Variants in KLHL1 observed in about 807,000 individuals in gnomAD.
The protein encoded by KLHL1 is kelch-like protein 1.
Under a neutral mutation model 77.7 loss-of-function variants are expected in KLHL1, and 47 were observed. The ratio of observed to expected loss-of-function variants is 0.60; its 90% CI spans 0.48 to 0.77. The LOEUF (loss-of-function observed/expected upper bound fraction) is 0.77. Ranked by LOEUF, KLHL1 falls within the 30% of genes least tolerant of loss-of-function variation. The probability of loss-of-function intolerance (pLI) is 0.00; values close to 1 mark genes in which losing one functional copy is unlikely to be tolerated. For synonymous variants in KLHL1, 360 were observed against 325.2 expected (o/e 1.11, Z -1.15); for missense variants, 925 against 910.8 (o/e 1.02, Z -0.20).
intron 1 of KLHL1, among the ~76,000 whole-genome samples, chr13:70,090,916 C>T (rs1593736256): frequency 6.6e-6 from 1 of 152,002 alleles, no homozygotes. Flanking sequence ...ATATCATGAA[C>T]TTTGGTGTTA....
At chr13:70,052,550 T>C (rs1212848928) in intron 1 of KLHL1, among the ~76,000 whole-genome samples, 1 of 151,984 alleles carries the variant, frequency 6.6e-6, no homozygotes, top group Non-Finnish European at 1.5e-5. Flanking sequence ...ATTTTGATTT[T>C]AATAAAATGC....
At chr13:69,728,054 T>A (rs919660359) in intron 8 of KLHL1, among the ~76,000 whole-genome samples, 10 of 152,162 alleles carry the variant, frequency 6.6e-5, no homozygotes, top group African/African-American at 2.4e-4. Context: ...TTAAAAATCA[T>A]CTCTTTCAGT....
intron 3 of KLHL1, among the ~76,000 whole-genome samples, chr13:69,955,871 ATATATATT>A (rs948316365): frequency 2.2e-4 from 31 of 141,738 alleles, no homozygotes; most frequent in African/African-American, 8.0e-4. Flanking sequence ...ATACTAGCAT[ATATATATT>A]TATATATATA....
intron 5 of KLHL1, among the ~76,000 whole-genome samples, chr13:69,872,910 C>T (rs2138178722): frequency 6.6e-6 from 1 of 152,216 alleles, no homozygotes; most frequent in South Asian, 2.1e-4. Context: ...GGCCCCACCT[C>T]CAACACTGGG....
chr13:69,901,277 A>T (rs893803876), intron 4 of KLHL1, among the ~76,000 whole-genome samples: 1 of 152,262 alleles, frequency 6.6e-6, no homozygotes, highest in African/African-American at 2.4e-5. Context: ...TCCTACCATT[A>T]TCAAGAATAT....
Position 69,991,810 on chromosome 13 carries a change from C to T in KLHL1, c.498-16008G>A, listed in dbSNP as rs146399675. Reference sequence around the variant, plus strand: ...CTCCTCAACTCATTCTATGAAGCCACTCAAGTGAGAGCCAGAGATAAACAT... The same window carrying T: ...CTCCTCAACTCATTCTATGAAGCCATTCAAGTGAGAGCCAGAGATAAACAT... On this transcript the variant is annotated intron_variant, in intron 1 of 10. Transcript: ENST00000377844. 5.1e-3 allele frequency among the ~76,000 whole-genome samples: 772 copies of T among 152,016 alleles called. 5 individuals carry two copies. The highest frequency in any genetic ancestry group is 9.5e-3 in the South Asian group (46 of 4,830).
intron 6 of KLHL1, among the ~76,000 whole-genome samples, chr13:69,813,320 G>A (rs1219197981): frequency 6.6e-6 from 1 of 151,234 alleles, no homozygotes; most frequent in African/African-American, 2.4e-5. Flanking sequence ...ACCGGGGCCT[G>A]TTGTGGGGTG....
chr13:69,858,409 T>A (rs1880006669), intron 5 of KLHL1, among the ~76,000 whole-genome samples: 1 of 152,092 alleles, frequency 6.6e-6, no homozygotes, highest in South Asian at 2.1e-4. Context: ...GTATAAATCG[T>A]TCTGCCATTA....
At chr13:69,706,124 A>G (rs2137871169) in intron 10 of KLHL1, among the ~76,000 whole-genome samples, 1 of 151,790 alleles carries the variant, frequency 6.6e-6, no homozygotes, top group Non-Finnish European at 1.5e-5. Context: ...TTAGTGCAAT[A>G]ATGTGAAAAG....
In KLHL1 at chr13:69,927,739, A is replaced by G. The variant is rs572692619; in HGVS notation, c.1014+12301T>C. Among the ~76,000 whole-genome samples the G allele has an allele frequency of 4.6e-5, 7 of 152,320 alleles. No homozygotes were observed. The East Asian group carries it at 9.6e-4, about 21-fold the overall frequency. On this transcript the variant is annotated intron_variant, in intron 4 of 10. Transcript: ENST00000377844. The stretch of plus-strand genomic sequence containing the variant: ...CATACTAGGATGGCTATAATCAATA[A>G]AAAACAACAAAAATTATTGGCAAGT...
At chr13:70,106,580 C>T (rs976334831) in intron 1 of KLHL1, among the ~76,000 whole-genome samples, 11 of 152,148 alleles carry the variant, frequency 7.2e-5, no homozygotes, top group East Asian at 5.8e-4. Flanking sequence ...AGGGACTCCA[C>T]GACAGTTTAA....
chr13:69,769,347 T>C (rs1234902998), intron 7 of KLHL1, among the ~76,000 whole-genome samples: 1 of 152,118 alleles, frequency 6.6e-6, no homozygotes, highest in Non-Finnish European at 1.5e-5. Context: ...TCTCAGTGTA[T>C]AATAGTATAG....
chr13:70,083,215 T>C (rs1887437466), intron 1 of KLHL1, among the ~76,000 whole-genome samples: 1 of 152,094 alleles, frequency 6.6e-6, no homozygotes, highest in South Asian at 2.1e-4. Flanking sequence ...TAAATATTAA[T>C]CAAAATTACA....
At chr13:70,057,782 CAA>C (rs60920874) in intron 1 of KLHL1, among the ~76,000 whole-genome samples, 21 of 62,260 alleles carry the variant, frequency 3.4e-4, no homozygotes, top group African/African-American at 1.3e-3. Flanking sequence ...GACTCCGTCT[CAA>C]AAAAAAAAAA....
Position 70,100,399 on chromosome 13 carries a change from AT to A in KLHL1, c.497+6803del, listed in dbSNP as rs567693973. Among the ~76,000 whole-genome samples the A allele has an allele frequency of 2.6e-3, 394 of 152,062 alleles. 2 individuals are homozygous for A. The highest frequency in any genetic ancestry group is 8.4e-3 in the African/African-American group (347 of 41,474). ...CCTGCCACGTTGCTAAGCTTGCTAC[AT>A]TTTTTTGTCGATTTCATCAATTTTT... On this transcript the variant is annotated intron_variant, in intron 1 of 10. Transcript: ENST00000377844.
chr13:69,891,160 GC>G (rs1881414423), intron 4 of KLHL1, among the ~76,000 whole-genome samples: 1 of 152,106 alleles, frequency 6.6e-6, no homozygotes, highest in East Asian at 1.9e-4. Flanking sequence ...TAAACCCTCT[GC>G]CGAGTTTTCC....
At chr13:70,044,795 T>G (rs914962772) in intron 1 of KLHL1, among the ~76,000 whole-genome samples, 1 of 152,188 alleles carries the variant, frequency 6.6e-6, no homozygotes, top group African/African-American at 2.4e-5. Flanking sequence ...CCTTTATCAT[T>G]AAGAAGAAAT....
intron 1 of KLHL1, among the ~76,000 whole-genome samples, chr13:69,996,797 A>G (rs907613750): frequency 1.3e-5 from 2 of 151,826 alleles, no homozygotes; most frequent in Non-Finnish European, 2.9e-5. Flanking sequence ...GTCAGAGGGT[A>G]GGAGATAAAT....
At chr13:69,939,352 T>C (rs563527581) in intron 4 of KLHL1, among the ~76,000 whole-genome samples, 2 of 62,504 alleles carry the variant, frequency 3.2e-5, no homozygotes, top group African/African-American at 1.2e-4. Flanking sequence ...TATATATATA[T>C]ATATATATAT....
Sources: allele counts gnomAD v4.1 joint callset (sites outside exome capture counted in the v4.1 genomes callset), GRCh38; gene constraint gnomAD v4.1.1; transcripts MANE v1.5; gene names NCBI Gene and HGNC (gene_info 2026-07-23, HGNC 2026-07-21).